Variants in RSPO2 observed in about 807,000 individuals in gnomAD.
The protein encoded by RSPO2 is R-spondin-2.
RSPO2 carries 14 observed loss-of-function variants against 30.9 expected under a neutral mutation model. That is an observed-to-expected ratio of 0.45 (90% CI 0.30 to 0.71). The LOEUF is 0.71. RSPO2 is among the 30% of genes least tolerant of loss of function. The probability of loss-of-function intolerance (pLI) is 0.08; values close to 1 mark genes in which losing one functional copy is unlikely to be tolerated. For synonymous variants in RSPO2, 107 were observed against 96.4 expected (o/e 1.11, Z -0.64); for missense variants, 264 against 301.9 (o/e 0.87, Z 0.93).
At chr8:107,960,899 A>T in intron 3 of RSPO2, 82 bp from the exon 4 acceptor site, 1 of 1,022,916 alleles carries the variant, frequency 9.8e-7, no homozygotes, top group Non-Finnish European at 1.4e-6. Context: ...TTGTAAACTC[A>T]CAAGTTAGCC....
In RSPO2 at chr8:107,963,522, CAAAAAAA is replaced by C. The variant is rs61697128; in HGVS notation, c.284-2712_284-2706del. Among the ~76,000 whole-genome samples, 194 of 31,994 alleles carry C rather than the reference CAAAAAAA, an allele frequency of 6.1e-3. 2 individuals are homozygous for C. Among genetic ancestry groups the C allele is most frequent in the African/African-American group, 0.028 (181 of 6,536 alleles). The allele number at this position is 31,994 out of a possible 152,430, so 21.0% of individuals were successfully genotyped here. A position where few individuals can be genotyped will look rare whatever the true frequency, so the allele number is the denominator to read the frequency against. ...TTAGGCAATGAAGTGAGACCTGTCT[CAAAAAAA>C]AAAAAAAAAAAAAAAAAAAAAGGCA... On this transcript the variant is annotated intron_variant, in intron 3 of 5. Coordinates refer to ENST00000276659, the MANE Select transcript of RSPO2 (RefSeq NM_178565.5).
At chr8:107,995,718 T>A (rs1814995887) in intron 2 of RSPO2, among the ~76,000 whole-genome samples, 1 of 152,146 alleles carries the variant, frequency 6.6e-6, no homozygotes, top group Admixed American at 6.6e-5. Flanking sequence ...TATGATAATA[T>A]CTTCTCCTAC....
At chr8:107,968,644 G>A (rs1376888304) in intron 3 of RSPO2, among the ~76,000 whole-genome samples, 1 of 151,942 alleles carries the variant, frequency 6.6e-6, no homozygotes, top group Non-Finnish European at 1.5e-5. Context: ...TAATTACTCT[G>A]ATTTATTCAT....
chr8:107,917,078 A>G (rs1812005386), intron 5 of RSPO2, among the ~76,000 whole-genome samples: 1 of 152,212 alleles, frequency 6.6e-6, no homozygotes, highest in South Asian at 2.1e-4. Flanking sequence ...GTAAATAACA[A>G]GGGGAAAGAA....
Position 107,958,283 on chromosome 8 carries a change from T to A in RSPO2, c.428-15A>T. On this transcript the variant is annotated splice_polypyrimidine_tract_variant and intron_variant, in intron 4 of 5. Transcript: ENST00000276659. ...TTCACATCCTTCTAGTAAAGATTTT[T>A]AGAAAAAGAAAAAAAAACACAAGCA... is the stretch of plus-strand genomic sequence containing the variant. 3 of 1,591,458 alleles carry A rather than the reference T, an allele frequency of 1.9e-6. No homozygotes were observed. The highest frequency in any genetic ancestry group is 1.8e-5 in the Admixed American group (1 of 55,962).
intron 2 of RSPO2, among the ~76,000 whole-genome samples, chr8:108,074,837 C>T (rs758090846): frequency 2.0e-5 from 3 of 152,144 alleles, no homozygotes; most frequent in Admixed American, 6.5e-5. Context: ...CTTCTGTATA[C>T]GTCAAACAGG....
At chr8:108,081,887 C>A in intron 2 of RSPO2, 1 of 985,316 alleles carries the variant, frequency 1.0e-6, no homozygotes, top group South Asian at 4.7e-5. Context: ...GAGGACTCCC[C>A]AGAAAACCAG....
At chr8:108,031,278 G>C (rs1811413589) in intron 2 of RSPO2, among the ~76,000 whole-genome samples, 1 of 152,132 alleles carries the variant, frequency 6.6e-6, no homozygotes, top group South Asian at 2.1e-4. Context: ...ATCTCTAATG[G>C]ATCACCATTA....
intron 2 of RSPO2, among the ~76,000 whole-genome samples, chr8:108,010,854 T>G (rs1810682032): frequency 6.6e-6 from 1 of 151,982 alleles, no homozygotes. Context: ...CAAGATTAAT[T>G]TACCAGAATT....
chr8:107,956,921 T>G (rs1004427377), intron 5 of RSPO2, among the ~76,000 whole-genome samples: 1 of 152,214 alleles, frequency 6.6e-6, no homozygotes, highest in African/African-American at 2.4e-5. Flanking sequence ...AACAAAACCA[T>G]CCTTGTTAGT....
intron 2 of RSPO2, among the ~76,000 whole-genome samples, chr8:107,995,805 A>G (rs2060415): frequency 0.64 from 96,793 of 151,898 alleles, 32,734 homozygotes; most frequent in African/African-American, 0.88. Context: ...TTCTCATTTG[A>G]ATAGTTATGA....
chr8:107,954,150 G>T (rs1813338185), intron 5 of RSPO2, among the ~76,000 whole-genome samples: 1 of 152,104 alleles, frequency 6.6e-6, no homozygotes, highest in South Asian at 2.1e-4. Flanking sequence ...CACACAGATA[G>T]GACAGAATAT....
chr8:107,927,492 C>A (rs533023074), intron 5 of RSPO2, among the ~76,000 whole-genome samples: 21 of 152,228 alleles, frequency 1.4e-4, no homozygotes, highest in African/African-American at 4.3e-4. Context: ...AAAGGGAATG[C>A]TTCCAGTTTT....
intron 2 of RSPO2, among the ~76,000 whole-genome samples, chr8:108,002,896 C>G (rs1182300977): frequency 2.6e-5 from 4 of 151,814 alleles, no homozygotes; most frequent in Non-Finnish European, 5.9e-5. Flanking sequence ...TTAACAGACA[C>G]CTAAAGTTGA....
At chr8:107,945,311 C>T (rs763637292) in intron 5 of RSPO2, among the ~76,000 whole-genome samples, 10 of 135,598 alleles carry the variant, frequency 7.4e-5, no homozygotes, top group South Asian at 4.9e-4. Flanking sequence ...TGCAGTGGCG[C>T]GATCTCGGCT....
rs1811671259 is a variant in RSPO2 at position 108,038,837 on chromosome 8, A to T, written c.94+43708T>A. 2.6e-5 allele frequency among the ~76,000 whole-genome samples: 4 copies of T among 152,300 alleles called. No homozygotes were observed. In the South Asian group the frequency reaches 8.3e-4, roughly 32 times the overall value. On this transcript the variant is annotated intron_variant, in intron 2 of 5. Coordinates refer to ENST00000276659, the MANE Select transcript of RSPO2 (RefSeq NM_178565.5). ...TCGACATAAGGCTATTGGCTACTTA[A>T]TAGACTACAGCACAGTGTAAACATA...
At chr8:107,943,364 T>C (rs964031359) in intron 5 of RSPO2, among the ~76,000 whole-genome samples, 1 of 152,152 alleles carries the variant, frequency 6.6e-6, no homozygotes, top group Non-Finnish European at 1.5e-5. Flanking sequence ...GAGAACTGTA[T>C]GGTTAAAAAA....
In RSPO2 at chr8:108,070,509, G is replaced by C. The variant is rs1188509397; in HGVS notation, c.94+12036C>G. 5.9e-5 allele frequency among the ~76,000 whole-genome samples: 9 copies of C among 151,894 alleles called. No homozygotes were observed. The South Asian group carries it at 1.5e-3, about 25-fold the overall frequency. ...GGGTTTCACCTTGTTAGCCAGGATG[G>C]TCTCGATCTCCTGACCTCATGATCC... On this transcript the variant is annotated intron_variant, in intron 2 of 5. Transcript: ENST00000276659.
At chr8:108,063,326 A>C (rs950479750) in intron 2 of RSPO2, among the ~76,000 whole-genome samples, 3 of 151,900 alleles carry the variant, frequency 2.0e-5, no homozygotes, top group African/African-American at 7.3e-5. Context: ...AGGCAACTTC[A>C]GCAAAGTCTC....
Sources: allele counts gnomAD v4.1 joint callset (sites outside exome capture counted in the v4.1 genomes callset), GRCh38; gene constraint gnomAD v4.1.1; transcripts MANE v1.5; gene names NCBI Gene and HGNC (gene_info 2026-07-23, HGNC 2026-07-21).